Variants in SGIP1 observed in about 807,000 individuals in gnomAD.
SGIP1 encodes SH3GL interacting endocytic adaptor 1.
In SGIP1, 38 loss-of-function variants were observed where a neutral mutation model predicts 107.5. The observed-to-expected ratio is 0.35, with a 90% CI of 0.27 to 0.46. The LOEUF (loss-of-function observed/expected upper bound fraction) is 0.46, where lower values mean the gene tolerates loss of function less well. Among genes scored for constraint, SGIP1 ranks in the 20% least tolerant of loss-of-function variants. The probability of loss-of-function intolerance (pLI) is 1.00; values close to 1 mark genes in which losing one functional copy is unlikely to be tolerated. For missense variants in SGIP1, 929 were observed against 1,019.5 expected (o/e 0.91, Z 1.21); for synonymous variants, 365 against 366.1 (o/e 1.00, Z 0.03).
intron 1 of SGIP1, among the ~76,000 whole-genome samples, chr1:66,559,516 T>C (rs994561607): frequency 6.6e-6 from 1 of 152,084 alleles, no homozygotes; most frequent in African/African-American, 2.4e-5. Flanking sequence ...ACATTTATTA[T>C]TTTATACAAC....
At chr1:66,694,452 T>C (rs757737390) in intron 17 of SGIP1, 1 of 1,608,070 alleles carries the variant, frequency 6.2e-7, no homozygotes, top group Non-Finnish European at 8.5e-7. Flanking sequence ...CAGAAGACGA[T>C]GTTTTTTATG....
At chr1:66,693,142 G>T (rs1451939078) in intron 17 of SGIP1, among the ~76,000 whole-genome samples, 1 of 151,992 alleles carries the variant, frequency 6.6e-6, no homozygotes, top group Non-Finnish European at 1.5e-5. Flanking sequence ...AGGTATGGTG[G>T]TGTGCGGTGG....
At chr1:66,648,053 G>C (rs2077978382) in intron 7 of SGIP1, among the ~76,000 whole-genome samples, 1 of 152,190 alleles carries the variant, frequency 6.6e-6, no homozygotes, top group South Asian at 2.1e-4. Context: ...ACGAACAACA[G>C]CCTGAGCTGA....
At chr1:66,535,923 T>C (rs770325785) in intron 1 of SGIP1, among the ~76,000 whole-genome samples, 5 of 152,214 alleles carry the variant, frequency 3.3e-5, no homozygotes, top group Non-Finnish European at 5.9e-5. Context: ...AAAATGCATC[T>C]GCACACATTC....
At chr1:66,689,412 G>A (rs2089306288) in intron 16 of SGIP1, 137 bp downstream of exon 16, 6 of 1,108,782 alleles carry the variant, frequency 5.4e-6, no homozygotes, top group Admixed American at 2.6e-5. Context: ...CAGTCACTGC[G>A]GTATGAGTGT....
At chr1:66,707,725 T>C (rs1178727296) in intron 18 of SGIP1, among the ~76,000 whole-genome samples, 1 of 152,104 alleles carries the variant, frequency 6.6e-6, no homozygotes, top group Non-Finnish European at 1.5e-5. Context: ...TCCAAGAGAG[T>C]TGATGAGTTG....
At chr1:66,539,678 A>G (rs1375542803) in intron 1 of SGIP1, among the ~76,000 whole-genome samples, 1 of 152,194 alleles carries the variant, frequency 6.6e-6, no homozygotes, top group Admixed American at 6.5e-5. Context: ...TGTTTAGAAT[A>G]AACACTTTCA....
chr1:66,737,189 T>G (rs563824163), intron 21 of SGIP1, among the ~76,000 whole-genome samples: 1 of 152,314 alleles, frequency 6.6e-6, no homozygotes, highest in South Asian at 2.1e-4. Context: ...TCATGTATGG[T>G]TTGCATCCCC....
intron 1 of SGIP1, among the ~76,000 whole-genome samples, chr1:66,604,006 G>A (rs1190253430): frequency 6.6e-6 from 1 of 152,104 alleles, no homozygotes; most frequent in Non-Finnish European, 1.5e-5. Context: ...TAATTGATCA[G>A]AGAATAACAA....
At chr1:66,681,829 T>C (rs375962945) in intron 14 of SGIP1, 40 bp from the exon 15 acceptor site, 4 of 1,565,628 alleles carry the variant, frequency 2.6e-6, no homozygotes, top group Non-Finnish European at 3.5e-6. Context: ...ACACAAATAA[T>C]AAGTCAATTA....
At chr1:66,564,764 A>ACTAT (rs2148502179) in intron 1 of SGIP1, among the ~76,000 whole-genome samples, 1 of 152,020 alleles carries the variant, frequency 6.6e-6, no homozygotes, top group Admixed American at 6.6e-5. Flanking sequence ...CACACAATCT[A>ACTAT]CTATCTGTGG....
chr1:66,639,810 G>A lies in SGIP1; in HGVS notation c.205G>A (p.Ala69Thr), dbSNP rs756733559. 3.8e-5 allele frequency: 61 copies of A among 1,612,048 alleles called. No homozygotes were observed. In the Middle Eastern group the frequency reaches 6.6e-4, roughly 17 times the overall value. ...CAATGGGGCACCAAATGGATTTTAT[G>A]CGGAAATTGATTGGGAAAGATATGT... ...KSNGAPNGFY[A>T]EIDWERYNSP... The change falls in exon 5 of 25, where the codon GCG (alanine) becomes ACG (threonine). Residue 69 changes from alanine to threonine, a missense_variant. Coordinates refer to ENST00000371037, the MANE Select transcript of SGIP1 (RefSeq NM_032291.4).
intron 1 of SGIP1, among the ~76,000 whole-genome samples, chr1:66,573,473 G>A (rs910086068): frequency 2.0e-5 from 3 of 152,068 alleles, no homozygotes; most frequent in Non-Finnish European, 2.9e-5. Flanking sequence ...GTTTATTGCA[G>A]CACTATTCAC....
Position 66,690,206 on chromosome 1 carries a change from C to T in SGIP1, c.1460C>T (p.Pro487Leu). The change falls in exon 17 of 25, where the codon CCT becomes CTT. Residue 487 changes from proline (P) to leucine (L), a missense_variant. By Grantham distance (98) the Pro-to-Leu change is moderately conservative. Transcript: ENST00000371037. Reference protein sequence around the residue: ...GVGDVSRPFSPPIHSSSPPPI... With the variant: ...GVGDVSRPFSLPIHSSSPPPI... ...TCCTTACAGTCCAGACCTTTTAGCC[C>T]TCCCATTCATTCTTCCAGCCCTCCT... is the stretch of plus-strand genomic sequence containing the variant. The T allele has an allele frequency of 6.2e-7, 1 of 1,614,116 alleles. No homozygotes were observed. Among genetic ancestry groups the T allele is most frequent in the South Asian group, 1.1e-5 (1 of 91,070 alleles).
intron 7 of SGIP1, among the ~76,000 whole-genome samples, chr1:66,649,763 A>G (rs1189871032): frequency 6.6e-6 from 1 of 152,136 alleles, no homozygotes; most frequent in Non-Finnish European, 1.5e-5. Context: ...AAATAACCAA[A>G]GTCAGAATTC....
At position 66,660,535 on chromosome 1, in the gene SGIP1, A is replaced by G; in HGVS notation, c.471+11A>G. The G allele has an allele frequency of 1.9e-6, 3 of 1,608,668 alleles. No individual in the cohort carries two copies. The highest frequency in any genetic ancestry group is 2.6e-6 in the Non-Finnish European group (3 of 1,175,120). On this transcript the variant is annotated intron_variant, in intron 8 of 24. Coordinates refer to ENST00000371037, the MANE Select transcript of SGIP1 (RefSeq NM_032291.4). Reference sequence around the variant, plus strand: ...TAGAGGAAAAGTCCGGTAAGAAATAAGTCCTTCCCGCTTTTGGGGCAAACA... The same window carrying G: ...TAGAGGAAAAGTCCGGTAAGAAATAGGTCCTTCCCGCTTTTGGGGCAAACA...
At position 66,719,372 on chromosome 1, in the gene SGIP1, T is replaced by C. The variant is rs1345556779; in HGVS notation, c.1709T>C (p.Val570Ala). The change falls in exon 19 of 25, where the codon GTC (valine) becomes GCC (alanine). Residue 570 changes from valine (V) to alanine (A), a missense_variant. By Grantham distance (64) the Val-to-Ala change is moderately conservative. Transcript: ENST00000371037. ...GTTGCAGCAGCATTTACAGAAACAG[T>C]CAATGCCTATTTCAAAGGAGCAGAC... Reference protein sequence around the residue: ...LPVAAAFTETVNAYFKGADPS... With the variant: ...LPVAAAFTETANAYFKGADPS... The C allele has an allele frequency of 1.9e-6, 3 of 1,613,356 alleles. No homozygotes were observed. The highest frequency in any genetic ancestry group is 1.6e-4 in the Middle Eastern group (1 of 6,080).
At chr1:66,652,132 C>T (rs186373435) in intron 7 of SGIP1, among the ~76,000 whole-genome samples, 28 of 152,050 alleles carry the variant, frequency 1.8e-4, no homozygotes, top group Admixed American at 3.3e-4. Context: ...TGGTCATAGG[C>T]GAGTTCCTCA....
chr1:66,692,083 C>T lies in SGIP1; in HGVS notation c.1570+1767C>T, dbSNP rs924467314. 6.0e-5 allele frequency among the ~76,000 whole-genome samples: 9 copies of T among 149,134 alleles called. No individual in the cohort carries two copies. In the South Asian group the frequency reaches 8.5e-4, roughly 14 times the overall value. ...CTGAGGCAGGAGAATCCCTTGAACT[C>T]GGGAGGCAGAGGTTGCAGTGAGCCA... On this transcript the variant is annotated intron_variant, in intron 17 of 24. Transcript: ENST00000371037.
Sources: allele counts gnomAD v4.1 joint callset (sites outside exome capture counted in the v4.1 genomes callset), GRCh38; gene constraint gnomAD v4.1.1; transcripts MANE v1.5; gene names NCBI Gene and HGNC (gene_info 2026-07-23, HGNC 2026-07-21).